ZNF333: variants seen among roughly 807,000 people sequenced by gnomAD.
ZNF333 encodes zinc finger protein 333.
Under a neutral mutation model 76.1 loss-of-function variants are expected in ZNF333, and 61 were observed. The observed-to-expected ratio is 0.80, with a 90% CI of 0.65 to 0.99. The LOEUF (loss-of-function observed/expected upper bound fraction) is 0.99, where lower values mean the gene tolerates loss of function less well. Among genes scored for constraint, ZNF333 ranks in the 50% least tolerant of loss-of-function variants. The pLI is 0.00. For synonymous variants in ZNF333, 284 were observed against 305.0 expected (o/e 0.93, Z 0.72); for missense variants, 717 against 822.4 (o/e 0.87, Z 1.57).
chr19:14,713,027 C>T (rs1049284285), intron 7 of ZNF333, among the ~76,000 whole-genome samples: 1 of 152,126 alleles, frequency 6.6e-6, no homozygotes, highest in East Asian at 1.9e-4. Flanking sequence ...AAAATCTCAT[C>T]TAAGCACCAT....
At chr19:14,700,764 T>C (rs1166364248) in intron 5 of ZNF333, among the ~76,000 whole-genome samples, 1 of 152,156 alleles carries the variant, frequency 6.6e-6, no homozygotes, top group Non-Finnish European at 1.5e-5. Context: ...TGGGGCGTAT[T>C]AGTCCCAGGG....
At chr19:14,729,066 T>C (rs764511566) in intron 11 of ZNF333, among the ~76,000 whole-genome samples, 16 of 152,138 alleles carry the variant, frequency 1.1e-4, no homozygotes, top group African/African-American at 3.1e-4. Context: ...GGGTGCAGAA[T>C]GCGTGACCGA....
chr19:14,724,165 G>A (rs2042619625), downstream of ZNF333, among the ~76,000 whole-genome samples: 1 of 152,158 alleles, frequency 6.6e-6, no homozygotes, highest in Non-Finnish European at 1.5e-5. Context: ...TTAATGAGCT[G>A]ACCCAGAAGA....
intron 4 of ZNF333, 117 bp downstream of exon 4, chr19:14,695,778 G>A (rs752389798): frequency 1.1e-5 from 9 of 802,066 alleles, no homozygotes; most frequent in South Asian, 3.0e-5. Context: ...AAGGCCATTC[G>A]GAGTGAGGTT....
chr19:14,699,374 A>C, intron 5 of ZNF333, 93 bp downstream of exon 5: 4 of 1,106,546 alleles, frequency 3.6e-6, no homozygotes, highest in Non-Finnish European at 5.5e-6. Flanking sequence ...GGGAGATGTT[A>C]GCAGCATGGG....
chr19:14,712,805 C>T (rs1049185085), intron 7 of ZNF333, among the ~76,000 whole-genome samples: 6 of 152,100 alleles, frequency 3.9e-5, no homozygotes, highest in African/African-American at 1.4e-4. Context: ...ATTCTCCTGT[C>T]GTCTCAACTC....
intron 4 of ZNF333, among the ~76,000 whole-genome samples, chr19:14,696,415 T>C (rs1424468199): frequency 6.6e-6 from 1 of 152,128 alleles, no homozygotes; most frequent in South Asian, 2.1e-4. Flanking sequence ...TATATAGACA[T>C]TTGTATATGG....
chr19:14,716,086 TGAGCCGG>T lies in ZNF333; in HGVS notation c.601-23_601-17del. On this transcript the variant is annotated intron_variant, in intron 8 of 11. Coordinates refer to ENST00000292530, the MANE Select transcript of ZNF333 (RefSeq NM_032433.4). ...CGTACTGGTGGGGGTGGTCCCTGGC[TGAGCCGG>T]GATGGATGTGTGTTTTAGGAACCAG... The T allele has an allele frequency of 6.2e-7, 1 of 1,613,570 alleles. No homozygotes were observed. The highest frequency in any genetic ancestry group is 1.1e-5 in the South Asian group (1 of 91,046).
At position 14,718,254 on chromosome 19, in the gene ZNF333, CTATAAA is replaced by C; in HGVS notation, c.933_938del (p.Lys311_Tyr312del). 3 of 1,612,612 alleles carry C rather than the reference CTATAAA, an allele frequency of 1.9e-6. No individual in the cohort carries two copies. The highest frequency in any genetic ancestry group is 1.1e-5 in the South Asian group (1 of 90,848). On this transcript the variant is annotated inframe_deletion, in exon 12 of 12. Coordinates refer to ENST00000292530, the MANE Select transcript of ZNF333 (RefSeq NM_032433.4). ...AGCAACCTCAGCCTGGAGAAAAACT[CTATAAA>C]TATAATGAACTTGAGAAACCTTTTA...
At chr19:14,690,606 C>G (rs1972686685) in intron 1 of ZNF333, among the ~76,000 whole-genome samples, 1 of 152,280 alleles carries the variant, frequency 6.6e-6, no homozygotes. Context: ...TCCACATGTG[C>G]AAACTGGTTT....
At chr19:14,732,837 CATTT>C (rs2042686231) in exon 12 of ZNF333, 1 of 152,092 alleles carries the variant, frequency 6.6e-6, no homozygotes, top group African/African-American at 2.4e-5. Context: ...CATGATCATT[CATTT>C]ATGATTGTCT....
At chr19:14,690,875 C>T (rs1972716393) in intron 1 of ZNF333, among the ~76,000 whole-genome samples, 1 of 152,042 alleles carries the variant, frequency 6.6e-6, no homozygotes, top group African/African-American at 2.4e-5. Context: ...GGTGGATCAC[C>T]TGAGGTCAGG....
chr19:14,709,138 C>T lies in ZNF333; in HGVS notation c.511+2365C>T, dbSNP rs145255451. 7.9e-3 allele frequency: 1,220 copies of T among 154,086 alleles called. 7 individuals carry two copies. Among genetic ancestry groups the T allele is most frequent in the South Asian group, 0.029 (143 of 4,958 alleles). The allele number at this position is 154,086 out of a possible 1,614,324, so 9.5% of individuals were successfully genotyped here. A position where few individuals can be genotyped will look rare whatever the true frequency, so the allele number is the denominator to read the frequency against. On this transcript the variant is annotated intron_variant, in intron 7 of 11. Coordinates refer to ENST00000292530, the MANE Select transcript of ZNF333 (RefSeq NM_032433.4). ...TCCTGCTCCAGCCATGTAGCACGTG[C>T]CTGCTTCCCCTTTGCCTTCCGCCAT...
At chr19:14,698,922 A>ACG (rs1973460666) in intron 4 of ZNF333, among the ~76,000 whole-genome samples, 1 of 126,976 alleles carries the variant, frequency 7.9e-6, no homozygotes, top group African/African-American at 2.7e-5. Flanking sequence ...ATATATATAT[A>ACG]TATATATATA....
Position 14,706,870 on chromosome 19 carries a change from ACTGCAGGCACTGCCGTGG to A in ZNF333, c.511+99_511+116del, listed in dbSNP as rs1000129148. On this transcript the variant is annotated intron_variant, in intron 7 of 11. Transcript: ENST00000292530. Reference sequence around the variant, plus strand: ...TCCTATCCTGCCTGCATTTCCTCTGACTGCAGGCACTGCCGTGGCACCATAGAGAGGATACAGAAGGCC... The same window carrying A: ...TCCTATCCTGCCTGCATTTCCTCTGACACCATAGAGAGGATACAGAAGGCC... 7.0e-6 allele frequency: 7 copies of A among 994,086 alleles called. No homozygotes were observed. In the African/African-American group the frequency reaches 9.9e-5, roughly 14 times the overall value. 61.6% of individuals were successfully genotyped at this position (994,086 alleles called of 1,614,324 possible). A position where few individuals can be genotyped will look rare whatever the true frequency, so the allele number is the denominator to read the frequency against.
chr19:14,698,709 C>T (rs1351333488), intron 4 of ZNF333, among the ~76,000 whole-genome samples: 6 of 149,272 alleles, frequency 4.0e-5, no homozygotes, highest in South Asian at 4.2e-4. Flanking sequence ...GACGTGGTGG[C>T]GGGTACCTGT....
chr19:14,714,222 C>T (rs1181886820), intron 7 of ZNF333, among the ~76,000 whole-genome samples: 1 of 152,054 alleles, frequency 6.6e-6, no homozygotes, highest in Non-Finnish European at 1.5e-5. Context: ...GAAGTCCTAA[C>T]CCTGTGAATG....
chr19:14,721,122 A>T lies in ZNF333; in HGVS notation c.*1797A>T. On this transcript the variant is annotated 3_prime_UTR_variant, in exon 12 of 12. Coordinates refer to ENST00000292530, the MANE Select transcript of ZNF333 (RefSeq NM_032433.4). ...ATCTTTTAATTTAGTCCTCACACTG[A>T]CACTTTGAGGTATGTACTGTTATCC... is the stretch of plus-strand genomic sequence containing the variant. 1 of 335,942 alleles carries T rather than the reference A, an allele frequency of 3.0e-6. No homozygotes were observed. The highest frequency in any genetic ancestry group is 4.2e-6 in the Non-Finnish European group (1 of 236,760). The allele number at this position is 335,942 out of a possible 1,614,324, so 20.8% of individuals were successfully genotyped here.
intron 4 of ZNF333, 90 bp downstream of exon 4, chr19:14,695,751 GTT>G: frequency 9.1e-7 from 1 of 1,095,622 alleles, no homozygotes; most frequent in Non-Finnish European, 1.4e-6. Flanking sequence ...AAGGCCCTTT[GTT>G]CTGAGGGGAC....
Sources: gnomAD v4.1 joint callset for allele counts (sites outside exome capture counted in the v4.1 genomes callset) on GRCh38, gnomAD v4.1.1 for gene constraint, MANE v1.5 for transcripts, NCBI Gene and HGNC (gene_info 2026-07-23, HGNC 2026-07-21) for gene names.